The following BAHD1 variants were observed in gnomAD, a reference collection of about 807,000 sequenced individuals.
The protein encoded by BAHD1 is bromo adjacent homology domain-containing 1 protein.
BAHD1 carries 20 observed loss-of-function variants against 63.1 expected under a neutral mutation model. The observed-to-expected ratio is 0.32, with a 90% CI of 0.22 to 0.46. BAHD1 has a LOEUF of 0.46. BAHD1 is among the 20% of genes least tolerant of loss of function. BAHD1 has a pLI of 1.00. For synonymous variants in BAHD1, 408 were observed against 426.8 expected, an observed-to-expected ratio of 0.96 and a Z score of 0.54; for missense variants, 939 against 1,071.8, an observed-to-expected ratio of 0.88 and a Z score of 1.73.
At chr15:40,450,894 T>G (rs1221065270) in intron 1 of BAHD1, among the ~76,000 whole-genome samples, 3 of 152,118 alleles carry the variant, frequency 2.0e-5, no homozygotes, top group Non-Finnish European at 4.4e-5. Flanking sequence ...TCCTAACACT[T>G]TGGGAATCCG....
intron 1 of BAHD1, among the ~76,000 whole-genome samples, chr15:40,457,929 C>A (rs750315995): frequency 6.6e-6 from 1 of 152,110 alleles, no homozygotes. Flanking sequence ...AGGAGAATGG[C>A]GTGAACCTGG....
intron 1 of BAHD1, among the ~76,000 whole-genome samples, chr15:40,457,976 G>A (rs1893898592): frequency 6.6e-6 from 1 of 152,156 alleles, no homozygotes; most frequent in Non-Finnish European, 1.5e-5. Flanking sequence ...TCTCACCAAT[G>A]CACTCCAGCG....
chr15:40,466,267 C>A lies in BAHD1; in HGVS notation c.*137C>A. ...CCTGTGGTTTTCTTGGGGGGGAGGGCAGGGGCCCCTGTGGGTTCTGGGCTC... is the reference window on the plus strand; with the variant it reads ...CCTGTGGTTTTCTTGGGGGGGAGGGAAGGGGCCCCTGTGGGTTCTGGGCTC... On this transcript the variant is annotated 3_prime_UTR_variant, in exon 7 of 7. Coordinates refer to ENST00000416165, the MANE Select transcript of BAHD1 (RefSeq NM_014952.5). 7.0e-6 allele frequency: 5 copies of A among 714,378 alleles called. No homozygotes were observed. Among genetic ancestry groups the A allele is most frequent in the East Asian group, 3.5e-5 (1 of 28,500 alleles). The allele number at this position is 714,378 out of a possible 1,614,324, so 44.3% of individuals were successfully genotyped here.
chr15:40,450,754 G>A (rs1398409918), intron 1 of BAHD1, among the ~76,000 whole-genome samples: 2 of 152,232 alleles, frequency 1.3e-5, no homozygotes, highest in Non-Finnish European at 2.9e-5. Context: ...CAGAGTTAAG[G>A]GGTGCCCCCC....
upstream of BAHD1, among the ~76,000 whole-genome samples, chr15:40,438,924 GC>G (rs1893330277): frequency 2.6e-5 from 4 of 152,206 alleles, no homozygotes; most frequent in Non-Finnish European, 5.9e-5. Context: ...GCATGGCTCT[GC>G]CCCCGTGGCC....
chr15:40,462,468 C>G (rs1304250555), intron 3 of BAHD1, among the ~76,000 whole-genome samples, 174 bp downstream of exon 3: 1 of 152,016 alleles, frequency 6.6e-6, no homozygotes, highest in Non-Finnish European at 1.5e-5. Flanking sequence ...GCTTGCTTCC[C>G]TAGCCCCCTA....
At chr15:40,461,588 C>G (rs1894041035) in intron 2 of BAHD1, among the ~76,000 whole-genome samples, 2 of 150,954 alleles carry the variant, frequency 1.3e-5, no homozygotes, top group South Asian at 4.2e-4. Context: ...TGCAGTGAGC[C>G]AAGATAGCAC....
At position 40,450,376 on chromosome 15, in the gene BAHD1, C is replaced by T. The variant is rs1183758320; in HGVS notation, c.-14-8075C>T. Among the ~76,000 whole-genome samples, 4 of 152,168 alleles carry T rather than the reference C, an allele frequency of 2.6e-5. No homozygotes were observed. The East Asian group carries it at 5.8e-4, about 22-fold the overall frequency. On this transcript the variant is annotated intron_variant, in intron 1 of 6. Coordinates refer to ENST00000416165, the MANE Select transcript of BAHD1 (RefSeq NM_014952.5). The stretch of plus-strand genomic sequence containing the variant: ...TTGGCCTGGCTGGCTAGTTTCTGTT[C>T]AGGACTAGAGCTAGCACCTGTAGTC...
chr15:40,453,452 A>G (rs1360843021), intron 1 of BAHD1: 1 of 152,254 alleles, frequency 6.6e-6, no homozygotes, highest in Non-Finnish European at 1.5e-5. Context: ...AGTGCTCATG[A>G]CAAGTGTTTT....
intron 1 of BAHD1, among the ~76,000 whole-genome samples, chr15:40,455,966 A>T (rs993447534): frequency 6.6e-6 from 1 of 151,844 alleles, no homozygotes; most frequent in South Asian, 2.1e-4. Context: ...AAATGGGATG[A>T]TGTTGTTGTT....
At chr15:40,461,295 C>T (rs1224847311) in intron 2 of BAHD1, among the ~76,000 whole-genome samples, 3 of 152,104 alleles carry the variant, frequency 2.0e-5, no homozygotes, top group African/African-American at 7.2e-5. Flanking sequence ...TGGCAGAACC[C>T]AGGCTGATTC....
intron 1 of BAHD1, among the ~76,000 whole-genome samples, chr15:40,451,194 C>T (rs1893693090): frequency 1.3e-5 from 2 of 151,882 alleles, no homozygotes; most frequent in South Asian, 2.1e-4. Flanking sequence ...GTTTGTCACC[C>T]TTTCCTGCAT....
At chr15:40,460,397 C>A (rs779574895) in intron 2 of BAHD1, among the ~76,000 whole-genome samples, 5 of 152,160 alleles carry the variant, frequency 3.3e-5, no homozygotes, top group African/African-American at 7.2e-5. Context: ...GTAGGTGGTA[C>A]CTACTGCACA....
At chr15:40,448,645 T>C (rs183267525) in intron 1 of BAHD1, among the ~76,000 whole-genome samples, 1 of 152,254 alleles carries the variant, frequency 6.6e-6, no homozygotes, top group African/African-American at 2.4e-5. Flanking sequence ...CAAGTGATCC[T>C]CCCACCTCAG....
At chr15:40,444,805 G>T (rs540730363) in intron 1 of BAHD1, among the ~76,000 whole-genome samples, 2 of 152,092 alleles carry the variant, frequency 1.3e-5, no homozygotes, top group Admixed American at 6.5e-5. Context: ...CTGGTTAGAG[G>T]CCAGATAGTG....
chr15:40,451,001 G>C (rs191452470), intron 1 of BAHD1, among the ~76,000 whole-genome samples: 214 of 151,986 alleles, frequency 1.4e-3, no homozygotes, highest in Admixed American at 2.1e-3. Context: ...AGCTGGGCGT[G>C]GTGGTGGGTG....
intron 5 of BAHD1, chr15:40,464,865 C>T (rs1894155283): frequency 4.6e-6 from 2 of 432,152 alleles, no homozygotes; most frequent in South Asian, 2.8e-5. Flanking sequence ...GAGCTGCATA[C>T]CTGGTCACTT....
intron 1 of BAHD1, among the ~76,000 whole-genome samples, chr15:40,442,685 T>G (rs955083518): frequency 1.3e-5 from 2 of 152,238 alleles, no homozygotes; most frequent in Middle Eastern, 3.4e-3. Context: ...CGCAGCTGCC[T>G]CCAGCACTTT....
Position 40,465,929 on chromosome 15 carries a change from ATC to A in BAHD1, c.2154-6_2154-5del, listed in dbSNP as rs1566966634. 14 of 1,554,026 alleles carry A rather than the reference ATC, an allele frequency of 9.0e-6. No homozygotes were observed. Among genetic ancestry groups the A allele is most frequent in the South Asian group, 3.7e-5 (3 of 81,626 alleles). Reference sequence around the variant, plus strand: ...GGCTGGAGTAAAGACAGTGAATGGTATCTCTCTACAGGTTCTGTGCCATGGCC... The same window carrying A: ...GGCTGGAGTAAAGACAGTGAATGGTATCTCTACAGGTTCTGTGCCATGGCC... On this transcript the variant is annotated splice_polypyrimidine_tract_variant and intron_variant, in intron 6 of 6. Transcript: ENST00000416165.
Sources: gnomAD v4.1 joint callset for allele counts (sites outside exome capture counted in the v4.1 genomes callset) on GRCh38, gnomAD v4.1.1 for gene constraint, MANE v1.5 for transcripts, NCBI Gene and HGNC (gene_info 2026-07-23, HGNC 2026-07-21) for gene names.